The following TRHDE variants were observed in gnomAD, a reference collection of about 807,000 sequenced individuals.
TRHDE encodes thyrotropin-releasing hormone-degrading ectoenzyme.
A neutral mutation model predicts 125.7 loss-of-function variants in TRHDE; 72 were observed. That is an observed-to-expected ratio of 0.57 (90% CI 0.47 to 0.70). The LOEUF (loss-of-function observed/expected upper bound fraction) is 0.70. Among genes scored for constraint, TRHDE ranks in the 30% least tolerant of loss-of-function variants. The pLI is 0.00. For synonymous variants in TRHDE, 509 were observed against 509.1 expected (o/e 1.00, Z 0.00); for missense variants, 1,110 against 1,327.1 (o/e 0.84, Z 2.54).
intron 15 of TRHDE, among the ~76,000 whole-genome samples, chr12:72,640,908 C>T (rs552988751): frequency 6.6e-6 from 1 of 152,300 alleles, no homozygotes; most frequent in African/African-American, 2.4e-5. Context: ...GAATGAGGTG[C>T]TCTTAGAGAG....
chr12:72,323,985 T>C (rs1225517465), intron 2 of TRHDE, among the ~76,000 whole-genome samples: 1 of 152,100 alleles, frequency 6.6e-6, no homozygotes, highest in Non-Finnish European at 1.5e-5. Context: ...CAAAGTTTTA[T>C]GCTTTCTGAG....
Position 72,298,934 on chromosome 12 carries a change from G to A in TRHDE, c.1188+11980G>A, listed in dbSNP as rs76223466. ...ATTAAGTGACTGTCTGGGCAAGCAA[G>A]TGGAGTTTAGGTTGCAGTTGGCATG... On this transcript the variant is annotated intron_variant, in intron 2 of 18. Coordinates refer to ENST00000261180, the MANE Select transcript of TRHDE (RefSeq NM_013381.3). Among the ~76,000 whole-genome samples the A allele has an allele frequency of 8.5e-5, 13 of 152,278 alleles. No homozygotes were observed. In the East Asian group the frequency reaches 2.3e-3, roughly 27 times the overall value.
At chr12:72,474,637 A>G (rs1269939080) in intron 5 of TRHDE, among the ~76,000 whole-genome samples, 1 of 152,146 alleles carries the variant, frequency 6.6e-6, no homozygotes, top group Non-Finnish European at 1.5e-5. Flanking sequence ...TTGCGTGTAT[A>G]CACCACATTT....
intron 15 of TRHDE, among the ~76,000 whole-genome samples, chr12:72,626,473 C>T (rs986588106): frequency 6.6e-6 from 1 of 151,824 alleles, no homozygotes; most frequent in Non-Finnish European, 1.5e-5. Context: ...GCTCAATCTA[C>T]CCTCTATAAG....
chr12:72,286,240 A>T (rs554349828), intron 1 of TRHDE, among the ~76,000 whole-genome samples: 1 of 152,318 alleles, frequency 6.6e-6, no homozygotes, highest in East Asian at 1.9e-4. Context: ...GGGCACAGAG[A>T]TTTCCCAAGT....
intron 2 of TRHDE, among the ~76,000 whole-genome samples, chr12:72,120,666 C>A (rs59464157): frequency 4.1e-4 from 62 of 150,250 alleles, no homozygotes; most frequent in African/African-American, 1.5e-3. Flanking sequence ...CATCCTCCTA[C>A]TCTTTAACTT....
chr12:72,542,553 G>A (rs1869209391), intron 7 of TRHDE, among the ~76,000 whole-genome samples, 197 bp downstream of exon 7: 1 of 151,196 alleles, frequency 6.6e-6, no homozygotes, highest in African/African-American at 2.4e-5. Context: ...TTGAACTGTT[G>A]AACAATTTAG....
intron 2 of TRHDE, among the ~76,000 whole-genome samples, chr12:72,359,543 C>T (rs561366653): frequency 6.6e-6 from 1 of 151,734 alleles, no homozygotes; most frequent in Admixed American, 6.6e-5. Context: ...TTTTTCAAAT[C>T]CCATTTATGG....
At chr12:72,641,490 C>T (rs549488234) in intron 15 of TRHDE, among the ~76,000 whole-genome samples, 86 of 152,212 alleles carry the variant, frequency 5.7e-4, no homozygotes, top group Non-Finnish European at 9.0e-4. Context: ...TTACTAAGAA[C>T]GTACACATTA....
chr12:72,238,131 A>G lies in TRHDE; in HGVS notation n.279+132379A>G, dbSNP rs576327473. Among the ~76,000 whole-genome samples the G allele has an allele frequency of 4.0e-5, 6 of 151,388 alleles. No homozygotes were observed. The East Asian group carries it at 1.2e-3, about 30-fold the overall frequency. On this transcript the variant is annotated intron_variant and non_coding_transcript_variant, in intron 2 of 4. Coordinates refer to the TRHDE transcript ENST00000548156. ...GTGACATGACTTGACTTGTGTTTGA[A>G]AAGGATGGTAGAATGTAGGTGGCCT...
chr12:72,517,497 T>C (rs1035985638), intron 6 of TRHDE, among the ~76,000 whole-genome samples: 56 of 152,302 alleles, frequency 3.7e-4, no homozygotes, highest in African/African-American at 1.3e-3. Flanking sequence ...GATATCCCCT[T>C]TATCATTTTT....
At chr12:72,640,633 T>C (rs776755488) in intron 15 of TRHDE, among the ~76,000 whole-genome samples, 17 of 151,328 alleles carry the variant, frequency 1.1e-4, no homozygotes, top group Non-Finnish European at 2.1e-4. Context: ...CTGAGTTCGA[T>C]CTAAGTCTTA....
intron 2 of TRHDE, among the ~76,000 whole-genome samples, chr12:72,213,075 A>ACATAACAT (rs1462787256): frequency 8.4e-4 from 128 of 152,312 alleles, no homozygotes; most frequent in African/African-American, 2.9e-3. Flanking sequence ...GAAAGAAGAT[A>ACATAACAT]GTCACAAAAG....
chr12:72,169,339 A>G (rs909559863), intron 2 of TRHDE, among the ~76,000 whole-genome samples: 1 of 152,120 alleles, frequency 6.6e-6, no homozygotes, highest in Non-Finnish European at 1.5e-5. Context: ...CTGATTCACA[A>G]TTATTGTTAG....
At chr12:72,399,433 T>C (rs1376463390) in intron 3 of TRHDE, among the ~76,000 whole-genome samples, 2 of 152,174 alleles carry the variant, frequency 1.3e-5, no homozygotes, top group Non-Finnish European at 2.9e-5. Flanking sequence ...GACTCTAAAT[T>C]TGCTAATATT....
In TRHDE at chr12:72,273,055, C is replaced by A; in HGVS notation, c.412C>A (p.Pro138Thr). 3.3e-6 allele frequency: 5 copies of A among 1,531,930 alleles called. No homozygotes were observed. Among genetic ancestry groups the A allele is most frequent in the Non-Finnish European group, 4.4e-6 (5 of 1,143,046 alleles). 94.9% of individuals were successfully genotyped at this position (1,531,930 alleles called of 1,614,324 possible). A position where few individuals can be genotyped will look rare whatever the true frequency, so the allele number is the denominator to read the frequency against. The change falls in exon 1 of 19, where the codon CCT becomes ACT. Residue 138 changes from proline (P) to threonine (T), a missense_variant. Around this residue, in one of 5 missense-constraint regions of TRHDE, gnomAD observed 248 missense variants for 240.8 expected, o/e 1.03. Coordinates refer to ENST00000261180, the MANE Select transcript of TRHDE (RefSeq NM_013381.3). The surrounding 1 kb of genome is among the most constrained non-coding windows in gnomAD (Gnocchi z 5.3). The stretch of plus-strand genomic sequence containing the variant: ...GGAGCGCGGCGGCAACGGGAGCCTC[C>A]CTGGATCGGCCCGGCGCAACCACCA... ...FPERGGNGSL[P>T]GSARRNHHAG...
intron 2 of TRHDE, among the ~76,000 whole-genome samples, chr12:72,300,566 G>C (rs1248942798): frequency 6.6e-6 from 1 of 151,804 alleles, no homozygotes; most frequent in South Asian, 2.1e-4. Context: ...ATATGTGTGT[G>C]TGTGTGCACG....
chr12:72,574,966 G>A (rs992328869), intron 10 of TRHDE, among the ~76,000 whole-genome samples: 5 of 152,130 alleles, frequency 3.3e-5, no homozygotes, highest in Admixed American at 2.6e-4. Context: ...AGATTTCTAG[G>A]TTACAGTTAC....
intron 3 of TRHDE, among the ~76,000 whole-genome samples, chr12:72,434,819 G>A (rs1292764427): frequency 6.6e-6 from 1 of 152,082 alleles, no homozygotes; most frequent in Non-Finnish European, 1.5e-5. Context: ...CACTCTGATG[G>A]GAACTAATCT....
Sources: allele counts gnomAD v4.1 joint callset (sites outside exome capture counted in the v4.1 genomes callset), GRCh38; gene constraint gnomAD v4.1.1; regional missense constraint gnomAD v4.1.1; non-coding constraint Gnocchi (gnomAD v3.1); transcripts MANE v1.5; gene names NCBI Gene and HGNC (gene_info 2026-07-23, HGNC 2026-07-21).